Variants in SYCP3 observed in about 807,000 individuals in gnomAD.
SYCP3 encodes the protein synaptonemal complex protein 3.
Under a neutral mutation model 38.5 loss-of-function variants are expected in SYCP3, and 29 were observed. The ratio of observed to expected loss-of-function variants is 0.75; its 90% CI spans 0.56 to 1.03. The LOEUF (loss-of-function observed/expected upper bound fraction) is 1.03. Among genes scored for constraint, SYCP3 ranks in the 50% least tolerant of loss-of-function variants. The pLI is 0.00. For missense variants in SYCP3, 242 were observed against 270.7 expected (o/e 0.89, Z 0.74); for synonymous variants, 79 against 80.3 (o/e 0.98, Z 0.08).
chr12:101,733,491 C>G, intron 6 of SYCP3, 84 bp downstream of exon 6: 2 of 1,246,604 alleles, frequency 1.6e-6, no homozygotes, highest in Non-Finnish European at 2.3e-6. Flanking sequence ...AAACCTGGCT[C>G]AGTTCCACTG....
Position 101,737,837 on chromosome 12 carries a change from TTTC to T in SYCP3, c.96_98del (p.Lys33del), listed in dbSNP as rs770106189. On this transcript the variant is annotated inframe_deletion, in exon 2 of 9. Transcript: ENST00000392924. ...CATCTTCCTCTGATCCACTCAGATC[TTTC>T]TTATCTTCAGTCTCAAAGTCATAGG... 3 of 1,614,224 alleles carry T rather than the reference TTTC, an allele frequency of 1.9e-6. No individual in the cohort carries two copies. In the East Asian group the frequency reaches 6.7e-5, roughly 36 times the overall value.
intron 2 of SYCP3, 144 bp from the exon 3 acceptor site, chr12:101,737,442 T>C: frequency 1.3e-6 from 1 of 786,560 alleles, no homozygotes; most frequent in East Asian, 2.6e-5. Flanking sequence ...AAATGCAATA[T>C]TCTCTGCAGG....
At chr12:101,736,415 TC>T (rs1952448010) in intron 4 of SYCP3, among the ~76,000 whole-genome samples, 1 of 152,088 alleles carries the variant, frequency 6.6e-6, no homozygotes, top group Non-Finnish European at 1.5e-5. Context: ...GTATGAACAA[TC>T]CATTTAGAGG....
chr12:101,728,715 C>G lies in SYCP3; in HGVS notation c.*212G>C, dbSNP rs1952042530. 1.6e-6 allele frequency: 1 copy of G among 610,918 alleles called. No individual in the cohort carries two copies. Among genetic ancestry groups the G allele is most frequent in the Non-Finnish European group, 2.7e-6 (1 of 364,212 alleles). 37.8% of individuals were successfully genotyped at this position (610,918 alleles called of 1,614,324 possible). A position where few individuals can be genotyped will look rare whatever the true frequency, so the allele number is the denominator to read the frequency against. On this transcript the variant is annotated 3_prime_UTR_variant, in exon 9 of 9. Transcript: ENST00000392924. Reference sequence around the variant, plus strand: ...AAAATTCACTATCATTACTAAAGAGCTGAAAGCTTAATACATATTCTTTAG... The same window carrying G: ...AAAATTCACTATCATTACTAAAGAGGTGAAAGCTTAATACATATTCTTTAG...
rs766198144 is a variant in SYCP3 at position 101,731,657 on chromosome 12, G to A, written c.463C>T (p.Arg155Ter). The change falls in exon 7 of 9, where the codon CGA (arginine) becomes TGA (stop). Residue 155 changes from arginine to a stop codon, truncating the protein, a stop_gained. Transcript: ENST00000392924. LOFTEE classifies it high-confidence loss of function. ...TGTTGAAGAATCTTTTGTTGCTGTC[G>A]AAACATATTCTACAAATATAAAAGA... is the stretch of plus-strand genomic sequence containing the variant. ...EQEEKILNMFRQQQKILQQSR... is the reference protein window; with the variant it reads ...EQEEKILNMF The A allele has an allele frequency of 8.8e-6, 14 of 1,594,108 alleles. No homozygotes were observed. Among genetic ancestry groups the A allele is most frequent in the African/African-American group, 2.7e-5 (2 of 74,194 alleles).
intron 1 of SYCP3, among the ~76,000 whole-genome samples, chr12:101,738,733 C>CTCAA (rs529284925): frequency 5.3e-5 from 8 of 152,240 alleles, no homozygotes; most frequent in Non-Finnish European, 1.2e-4. Flanking sequence ...GAGACTTCGT[C>CTCAA]TCAATCAATC....
intron 7 of SYCP3, 62 bp downstream of exon 7, chr12:101,731,503 ATCT>A (rs996230774): frequency 1.8e-6 from 2 of 1,127,280 alleles, no homozygotes; most frequent in Non-Finnish European, 2.5e-6. Flanking sequence ...AGAAAGAATT[ATCT>A]TCTACTTCCA....
chr12:101,730,739 G>C (rs1266245193), intron 7 of SYCP3: 3 of 194,202 alleles, frequency 1.5e-5, no homozygotes, highest in Non-Finnish European at 3.2e-5. Flanking sequence ...CTGGGCTCGA[G>C]TGATCTCGCC....
At chr12:101,739,165 G>GGCC in intron 1 of SYCP3, 186 bp downstream of exon 1, 2 of 747,084 alleles carry the variant, frequency 2.7e-6, no homozygotes, top group Non-Finnish European at 3.3e-6. Flanking sequence ...ATGGGGCCCA[G>GGCC]CCCCAGCCCA....
rs555406211 is a variant in SYCP3 at position 101,738,121 on chromosome 12, T to TA, written c.-17-170dup. On this transcript the variant is annotated intron_variant, in intron 1 of 8. Transcript: ENST00000392924. Reference sequence around the variant, plus strand: ...AAGTTAAGAAGATAATGACATTTGTTAAAAAATAATAAAATAAATAGGCCA... The same window carrying TA: ...AAGTTAAGAAGATAATGACATTTGTTAAAAAAATAATAAAATAAATAGGCCA... Among the ~76,000 whole-genome samples, 360 of 152,136 alleles carry TA rather than the reference T, an allele frequency of 2.4e-3. 2 individuals carry two copies. Among genetic ancestry groups the TA allele is most frequent in the African/African-American group, 7.9e-3 (330 of 41,522 alleles).
At chr12:101,738,439 A>C (rs1042784945) in intron 1 of SYCP3, among the ~76,000 whole-genome samples, 22 of 151,216 alleles carry the variant, frequency 1.5e-4, no homozygotes, top group East Asian at 5.9e-4. Flanking sequence ...CAAAAAAAAA[A>C]AACAACAACA....
chr12:101,737,871 G>A lies in SYCP3; in HGVS notation c.65C>T (p.Thr22Met), dbSNP rs373492199. 14 of 1,613,982 alleles carry A rather than the reference G, an allele frequency of 8.7e-6. No individual in the cohort carries two copies. The highest frequency in any genetic ancestry group is 2.2e-5 in the East Asian group (1 of 44,892). ...SGKPSVEDQF[T>M]RAYDFETEDK... ...TTCAGTCTCAAAGTCATAGGCTCTC[G>A]TAAACTGATCTTCCACAGACGGCTT... Residue 22 changes from threonine (T) to methionine (M), a missense_variant, in exon 2 of 9, where the codon ACG becomes ATG. Coordinates refer to ENST00000392924, the MANE Select transcript of SYCP3 (RefSeq NM_001177949.2).
At chr12:101,729,246 G>A (rs2137042089) in intron 7 of SYCP3, 33 bp from the exon 8 acceptor site, 2 of 1,601,082 alleles carry the variant, frequency 1.2e-6, no homozygotes, top group East Asian at 2.2e-5. Context: ...AAGTTACAAA[G>A]GACCACTTTT....
chr12:101,734,868 G>A, intron 5 of SYCP3, 59 bp downstream of exon 5: 2 of 1,151,088 alleles, frequency 1.7e-6, no homozygotes, highest in Non-Finnish European at 2.6e-6. Context: ...TTTTTCATAA[G>A]TAATTTATAC....
At chr12:101,737,388 AT>A in intron 2 of SYCP3, 90 bp from the exon 3 acceptor site, 1 of 1,253,586 alleles carries the variant, frequency 8.0e-7, no homozygotes, top group Middle Eastern at 2.5e-4. Context: ...TCATTTGGGG[AT>A]TTTTAGGCTT....
chr12:101,728,749 GCTAA>G lies in SYCP3; in HGVS notation c.*174_*177del, dbSNP rs1952043588. ...TAATACATATTCTTTAGGAATAGTT[GCTAA>G]CTAACTCATAACTATTTAGATTTGA... On this transcript the variant is annotated 3_prime_UTR_variant, in exon 9 of 9. Coordinates refer to ENST00000392924, the MANE Select transcript of SYCP3 (RefSeq NM_001177949.2). The G allele has an allele frequency of 1.3e-5, 10 of 799,678 alleles. No homozygotes were observed. The East Asian group carries it at 1.6e-4, about 13-fold the overall frequency. The allele number at this position is 799,678 out of a possible 1,614,324, so 49.5% of individuals were successfully genotyped here.
Position 101,733,684 on chromosome 12 carries a change from A to G in SYCP3, c.354-10T>C, listed in dbSNP as rs1594171073. ...TTGGTTAAGCTTCTGCCTGTAAAAC[A>G]TAATGATGAATTATTGTCATATTTC... On this transcript the variant is annotated splice_polypyrimidine_tract_variant and intron_variant, in intron 5 of 8. Coordinates refer to ENST00000392924, the MANE Select transcript of SYCP3 (RefSeq NM_001177949.2). 2 of 1,605,446 alleles carry G rather than the reference A, an allele frequency of 1.2e-6. No homozygotes were observed. Among genetic ancestry groups the G allele is most frequent in the Middle Eastern group, 1.7e-4 (1 of 5,968 alleles).
At chr12:101,737,097 C>T (rs1475061688) in intron 3 of SYCP3, 26 bp from the exon 4 acceptor site, 1 of 1,613,682 alleles carries the variant, frequency 6.2e-7, no homozygotes, top group South Asian at 1.1e-5. Flanking sequence ...ATTTTAAACA[C>T]TTTAGAAGAT....
intron 1 of SYCP3, 106 bp from the exon 2 acceptor site, chr12:101,738,058 A>G (rs908503537): frequency 1.1e-5 from 14 of 1,286,308 alleles, no homozygotes; most frequent in Non-Finnish European, 1.4e-5. Flanking sequence ...ATTGTTGAAT[A>G]CAATTTTAAC....
Sources: gnomAD v4.1 joint callset for allele counts (sites outside exome capture counted in the v4.1 genomes callset) on GRCh38, gnomAD v4.1.1 for gene constraint, MANE v1.5 for transcripts, NCBI Gene and HGNC (gene_info 2026-07-23, HGNC 2026-07-21) for gene names.